Variants in ADGRL2 observed in about 807,000 individuals in gnomAD.
ADGRL2 encodes the protein calcium-independent alpha-latrotoxin receptor 2.
In ADGRL2, 44 loss-of-function variants were observed where a neutral mutation model predicts 157.4. That is an observed-to-expected ratio of 0.28 (90% confidence interval 0.22 to 0.36). The LOEUF is 0.36. Among genes scored for constraint, ADGRL2 ranks in the 10% least tolerant of loss-of-function variants. The probability of loss-of-function intolerance (pLI) is 1.00; values close to 1 mark genes in which losing one functional copy is unlikely to be tolerated. For synonymous variants in ADGRL2, 585 were observed against 624.7 expected, an observed-to-expected ratio of 0.94 and a Z score of 0.95; for missense variants, 1,510 against 1,768.9, an observed-to-expected ratio of 0.85 and a Z score of 2.63.
chr1:81,852,341 A>C (rs2150540130), intron 2 of ADGRL2, among the ~76,000 whole-genome samples: 1 of 152,130 alleles, frequency 6.6e-6, no homozygotes, highest in Admixed American at 6.6e-5. Context: ...CAGATGAAAA[A>C]CCTTCCAGGT....
intron 1 of ADGRL2, among the ~76,000 whole-genome samples, 198 bp from the exon 2 acceptor site, chr1:81,836,687 G>A (rs557329375): frequency 6.6e-6 from 1 of 152,178 alleles, no homozygotes; most frequent in African/African-American, 2.4e-5. Context: ...CTGTCAAAAA[G>A]GCAGTCAACC....
intron 1 of ADGRL2, among the ~76,000 whole-genome samples, chr1:81,729,140 G>A (rs532637274): frequency 2.1e-4 from 32 of 150,374 alleles, no homozygotes; most frequent in Non-Finnish European, 2.8e-4. Context: ...TCTAACTTGA[G>A]TATACAATTT....
intron 3 of ADGRL2, among the ~76,000 whole-genome samples, chr1:81,640,133 C>T (rs890745986): frequency 2.0e-5 from 3 of 152,136 alleles, no homozygotes; most frequent in African/African-American, 7.2e-5. Context: ...CATTTCCATA[C>T]AGCCATCTGC....
chr1:81,967,263 CTT>C (rs5775656), intron 13 of ADGRL2, among the ~76,000 whole-genome samples: 99 of 135,688 alleles, frequency 7.3e-4, no homozygotes, highest in Middle Eastern at 3.8e-3. Context: ...TTGATTGACT[CTT>C]TTTTTTTTTT....
intron 3 of ADGRL2, among the ~76,000 whole-genome samples, chr1:81,916,690 G>A (rs1025203199): frequency 6.6e-6 from 1 of 151,888 alleles, no homozygotes; most frequent in Non-Finnish European, 1.5e-5. Context: ...TTGGAATAAT[G>A]TCACTGAAAT....
intron 3 of ADGRL2, among the ~76,000 whole-genome samples, chr1:81,680,024 AC>A: frequency 6.6e-6 from 1 of 152,320 alleles, no homozygotes; most frequent in East Asian, 1.9e-4. Context: ...GCCCCAAAAA[AC>A]ATGTAAACCC....
At chr1:81,574,526 T>A (rs77436734) in intron 2 of ADGRL2, among the ~76,000 whole-genome samples, 9,106 of 152,236 alleles carry the variant, frequency 0.06, 371 homozygotes, top group African/African-American at 0.11. Context: ...TGACACTGGC[T>A]GGTCACTTTA....
chr1:81,587,498 G>A lies in ADGRL2; in HGVS notation c.-143+6518G>A, dbSNP rs545963769. On this transcript the variant is annotated intron_variant, in intron 3 of 24. Transcript: ENST00000370721. ...TTGAAACCAAAGCATGTCTTATTCA[G>A]GGAAGAAGAAGTTGTTGACTATGAC... Among the ~76,000 whole-genome samples the A allele has an allele frequency of 2.6e-5, 4 of 152,190 alleles. No individual in the cohort carries two copies. In the East Asian group the frequency reaches 7.7e-4, roughly 29 times the overall value.
chr1:81,800,464 C>T (rs1216950134), upstream of ADGRL2: 1 of 151,898 alleles, frequency 6.6e-6, no homozygotes, highest in Non-Finnish European at 1.5e-5. Context: ...CTAAAAGTTT[C>T]GGGGCCTCTG....
At chr1:81,367,992 G>A (rs186839220) in intron 1 of ADGRL2, among the ~76,000 whole-genome samples, 205 of 152,250 alleles carry the variant, frequency 1.3e-3, no homozygotes, top group Non-Finnish European at 2.5e-3. Context: ...GAACATACAC[G>A]TGCATGTATC....
chr1:81,696,144 C>T (rs2083438632), upstream of ADGRL2, among the ~76,000 whole-genome samples: 1 of 151,968 alleles, frequency 6.6e-6, no homozygotes, highest in Non-Finnish European at 1.5e-5. Context: ...TTGCTCCTCC[C>T]AAGAAGGCAA....
chr1:81,358,446 A>G (rs2100891098), intron 1 of ADGRL2, among the ~76,000 whole-genome samples: 1 of 152,232 alleles, frequency 6.6e-6, no homozygotes, highest in Non-Finnish European at 1.5e-5. Flanking sequence ...AGTGTCCTAG[A>G]TTTTTGCTGT....
At chr1:81,910,244 C>CAAT (rs10631240) in intron 3 of ADGRL2, among the ~76,000 whole-genome samples, 12,803 of 142,946 alleles carry the variant, frequency 0.09, 578 homozygotes, top group African/African-American at 0.12. Flanking sequence ...GCCTAAAAAA[C>CAAT]AATAATAATA....
At chr1:81,785,035 GA>G (rs902400755) in intron 2 of ADGRL2, among the ~76,000 whole-genome samples, 7 of 151,638 alleles carry the variant, frequency 4.6e-5, no homozygotes, top group South Asian at 4.2e-4. Context: ...CTTAGTGGGG[GA>G]AAAAAAAGAG....
At chr1:81,536,996 A>C (rs2148294006) in intron 2 of ADGRL2, among the ~76,000 whole-genome samples, 1 of 152,356 alleles carries the variant, frequency 6.6e-6, no homozygotes, top group South Asian at 2.1e-4. Context: ...GAATAAAATT[A>C]TCCAAGAGAA....
Position 81,612,292 on chromosome 1 carries a change from T to C in ADGRL2, c.-143+31312T>C, listed in dbSNP as rs373130722. 6.8e-4 allele frequency among the ~76,000 whole-genome samples: 104 copies of C among 152,206 alleles called. 1 individual carries two copies. The highest frequency in any genetic ancestry group is 2.3e-3 in the African/African-American group (94 of 41,534). On this transcript the variant is annotated intron_variant, in intron 3 of 24. Coordinates refer to the ADGRL2 transcript ENST00000370721. ...TGACTGACCCAGTAGCACAACTAGA[T>C]TGAAAGCTTTCTTTCCAATCTGGAT...
intron 2 of ADGRL2, among the ~76,000 whole-genome samples, chr1:81,467,647 C>T (rs1557711372): frequency 6.6e-6 from 1 of 152,046 alleles, no homozygotes; most frequent in Non-Finnish European, 1.5e-5. Flanking sequence ...CATCCATGAC[C>T]AATCAGTATT....
intron 3 of ADGRL2, among the ~76,000 whole-genome samples, chr1:81,668,517 A>G (rs2148905543): frequency 6.8e-6 from 1 of 147,230 alleles, no homozygotes; most frequent in East Asian, 2.0e-4. Context: ...TTTAGATGGA[A>G]TATAATTTCA....
chr1:81,344,686 A>AT (rs1662346760), intron 1 of ADGRL2, among the ~76,000 whole-genome samples: 2 of 151,746 alleles, frequency 1.3e-5, no homozygotes, highest in Non-Finnish European at 2.9e-5. Flanking sequence ...AAAAAAAAAA[A>AT]AAAAGCAGAT....
Sources: allele counts gnomAD v4.1 joint callset (sites outside exome capture counted in the v4.1 genomes callset), GRCh38; gene constraint gnomAD v4.1.1; transcripts MANE v1.5; gene names NCBI Gene and HGNC (gene_info 2026-07-23, HGNC 2026-07-21).